Variants in TEAD1 observed in about 807,000 individuals in gnomAD.
TEAD1 encodes TEA domain transcription factor 1, also known as transcriptional enhancer factor TEF-1.
Under a neutral mutation model 54.9 loss-of-function variants are expected in TEAD1, and 9 were observed. The observed-to-expected ratio is 0.16, with a 90% CI of 0.10 to 0.29. The LOEUF is 0.29. Ranked by LOEUF, TEAD1 falls within the 10% of genes least tolerant of loss-of-function variation. The probability of loss-of-function intolerance (pLI) is 1.00; values close to 1 mark genes in which losing one functional copy is unlikely to be tolerated. For missense variants in TEAD1, 387 were observed against 535.9 expected (o/e 0.72, Z 2.74); for synonymous variants, 200 against 187.8 (o/e 1.07, Z -0.53).
intron 2 of TEAD1, among the ~76,000 whole-genome samples, chr11:12,735,131 A>T (rs2133884650): frequency 6.6e-6 from 1 of 152,332 alleles, no homozygotes; most frequent in Admixed American, 6.5e-5. Context: ...GGCCAGGCAG[A>T]AGTTGAAACC....
chr11:12,710,067 C>G (rs1943903212), intron 2 of TEAD1, among the ~76,000 whole-genome samples: 1 of 151,762 alleles, frequency 6.6e-6, no homozygotes, highest in Non-Finnish European at 1.5e-5. Flanking sequence ...TGGCTCACAC[C>G]TGTAATCCTA....
chr11:12,731,387 C>A (rs1483412645), intron 2 of TEAD1, among the ~76,000 whole-genome samples: 3 of 152,156 alleles, frequency 2.0e-5, no homozygotes, highest in African/African-American at 7.2e-5. Flanking sequence ...CACACTACTA[C>A]TTAGTCTTCC....
chr11:12,688,061 A>T (rs572220734), intron 2 of TEAD1, among the ~76,000 whole-genome samples: 2 of 152,160 alleles, frequency 1.3e-5, no homozygotes, highest in African/African-American at 2.4e-5. Flanking sequence ...AGGCCTGGAT[A>T]TGGAAATGGC....
chr11:12,843,569 T>G (rs1468292801), intron 3 of TEAD1, among the ~76,000 whole-genome samples: 1 of 152,368 alleles, frequency 6.6e-6, no homozygotes, highest in East Asian at 1.9e-4. Context: ...CTGCTTTTGT[T>G]GTGACAAGTG....
chr11:12,805,408 C>A (rs973403819), intron 3 of TEAD1, among the ~76,000 whole-genome samples: 3 of 152,182 alleles, frequency 2.0e-5, no homozygotes, highest in African/African-American at 7.2e-5. Flanking sequence ...AGCACAGGTT[C>A]AATTCACTGT....
At chr11:12,695,814 TTGAGTTCTGTTTG>T (rs1943568686) in intron 2 of TEAD1, among the ~76,000 whole-genome samples, 1 of 152,200 alleles carries the variant, frequency 6.6e-6, no homozygotes, top group Non-Finnish European at 1.5e-5. Context: ...CCCAGAAGGC[TTGAGTTCTGTTTG>T]TGTGTTGTGT....
At chr11:12,805,610 G>C (rs1402852485) in intron 3 of TEAD1, among the ~76,000 whole-genome samples, 1 of 152,182 alleles carries the variant, frequency 6.6e-6, no homozygotes, top group Non-Finnish European at 1.5e-5. Context: ...CAAAATGCTT[G>C]ATCCCAGATT....
At chr11:12,849,666 AG>A (rs1312846043) in intron 3 of TEAD1, among the ~76,000 whole-genome samples, 1 of 152,250 alleles carries the variant, frequency 6.6e-6, no homozygotes, top group Non-Finnish European at 1.5e-5. Flanking sequence ...TTTTACAACA[AG>A]AACTAAATAC....
At chr11:12,800,207 C>T (rs1946023697) in intron 3 of TEAD1, among the ~76,000 whole-genome samples, 1 of 152,158 alleles carries the variant, frequency 6.6e-6, no homozygotes, top group African/African-American at 2.4e-5. Context: ...GCTTGCACCT[C>T]CAGAGCTAGT....
At chr11:12,895,137 AG>A (rs1254525292) in intron 9 of TEAD1, among the ~76,000 whole-genome samples, 1 of 152,174 alleles carries the variant, frequency 6.6e-6, no homozygotes, top group Non-Finnish European at 1.5e-5. Context: ...AAAGAACAGC[AG>A]GGACCAGGAA....
chr11:12,732,361 C>A (rs1944441657), intron 2 of TEAD1, among the ~76,000 whole-genome samples: 2 of 152,148 alleles, frequency 1.3e-5, no homozygotes, highest in Admixed American at 6.5e-5. Flanking sequence ...AAAACTAGTT[C>A]CTACTTCCAT....
intron 2 of TEAD1, among the ~76,000 whole-genome samples, chr11:12,750,971 G>C (rs1233419249): frequency 6.6e-6 from 1 of 152,088 alleles, no homozygotes; most frequent in Non-Finnish European, 1.5e-5. Flanking sequence ...CTGTTTTTTG[G>C]GGAGCAGTTG....
At chr11:12,781,329 A>G (rs910032960) in intron 3 of TEAD1, among the ~76,000 whole-genome samples, 5 of 152,246 alleles carry the variant, frequency 3.3e-5, no homozygotes, top group African/African-American at 7.2e-5. Flanking sequence ...GAGAAAATTC[A>G]TGAAAATTAA....
At position 12,881,182 on chromosome 11, in the gene TEAD1, A is replaced by T. The variant is rs1947958387; in HGVS notation, c.512+131A>T. The T allele has an allele frequency of 3.9e-6, 4 of 1,028,240 alleles. No homozygotes were observed. In the South Asian group the frequency reaches 5.5e-5, roughly 14 times the overall value. 63.7% of individuals were successfully genotyped at this position (1,028,240 alleles called of 1,614,324 possible). ...GCATTACACTGAGGTCCCAGAAGGC[A>T]TCCCCTTTTTATTGTGTACTTAGGC... is the stretch of plus-strand genomic sequence containing the variant. On this transcript the variant is annotated intron_variant, in intron 7 of 12. Transcript: ENST00000527636.
At chr11:12,905,909 T>C (rs939404882) in intron 10 of TEAD1, among the ~76,000 whole-genome samples, 9 of 152,182 alleles carry the variant, frequency 5.9e-5, no homozygotes, top group African/African-American at 2.2e-4. Flanking sequence ...ATACTATGTG[T>C]TACCTAAAGT....
chr11:12,745,021 G>C (rs1454296926), intron 2 of TEAD1, among the ~76,000 whole-genome samples: 1 of 152,118 alleles, frequency 6.6e-6, no homozygotes, highest in Non-Finnish European at 1.5e-5. Flanking sequence ...TCCAGGGCTC[G>C]GCTAATTTTA....
chr11:12,911,214 A>G (rs1948612308), intron 10 of TEAD1, among the ~76,000 whole-genome samples: 1 of 152,234 alleles, frequency 6.6e-6, no homozygotes, highest in South Asian at 2.1e-4. Flanking sequence ...ATGAAATCAC[A>G]TTTGTTCAAC....
Position 12,944,736 on chromosome 11 carries a change from C to A in TEAD1, c.*7514C>A, listed in dbSNP as rs1195797867. On this transcript the variant is annotated 3_prime_UTR_variant, in exon 13 of 13. Transcript: ENST00000527636. ...AAATAAAGAAAATGAAAGTGTGGGT[C>A]ACCTTTTTTATCTGCAGAAGTGTAT... 1.3e-5 allele frequency among the ~76,000 whole-genome samples: 2 copies of A among 152,108 alleles called. No homozygotes were observed. The highest frequency in any genetic ancestry group is 1.3e-4 in the Admixed American group (2 of 15,272).
intron 2 of TEAD1, among the ~76,000 whole-genome samples, chr11:12,701,170 G>A (rs1943693501): frequency 6.6e-6 from 1 of 152,002 alleles, no homozygotes; most frequent in African/African-American, 2.4e-5. Context: ...GACAGATTGT[G>A]TTCTTAGAGT....
Sources: allele counts gnomAD v4.1 joint callset (sites outside exome capture counted in the v4.1 genomes callset), GRCh38; gene constraint gnomAD v4.1.1; transcripts MANE v1.5; gene names NCBI Gene and HGNC (gene_info 2026-07-23, HGNC 2026-07-21).